The following TEX14 variants were observed in gnomAD, a reference collection of about 807,000 sequenced individuals.
The protein encoded by TEX14 is inactive serine/threonine-protein kinase TEX14.
In TEX14, 168 loss-of-function variants were observed where a neutral mutation model predicts 178.6. The ratio of observed to expected loss-of-function variants is 0.94; its 90% CI spans 0.83 to 1.07. The LOEUF (loss-of-function observed/expected upper bound fraction) is 1.07, where lower values mean the gene tolerates loss of function less well. TEX14 is among the 50% of genes least tolerant of loss of function. The pLI is 0.00. For synonymous variants in TEX14, 626 were observed against 634.1 expected, an observed-to-expected ratio of 0.99 and a Z score of 0.19; for missense variants, 1,730 against 1,753.6, an observed-to-expected ratio of 0.99 and a Z score of 0.24.
At chr17:58,605,746 T>G (rs1295690534) in intron 10 of TEX14, among the ~76,000 whole-genome samples, 1 of 152,238 alleles carries the variant, frequency 6.6e-6, no homozygotes, top group African/African-American at 2.4e-5. Flanking sequence ...CTGAGATATT[T>G]GTCTGAAAGT....
chr17:58,587,860 C>T (rs1391300965), intron 16 of TEX14, 36 bp downstream of exon 16: 2 of 1,328,996 alleles, frequency 1.5e-6, no homozygotes, highest in Non-Finnish European at 1.1e-6. Context: ...CCCACCCCCG[C>T]TCCACCACCA....
chr17:58,605,763 C>T (rs758575639), intron 10 of TEX14, among the ~76,000 whole-genome samples: 26 of 152,196 alleles, frequency 1.7e-4, no homozygotes, highest in Admixed American at 5.2e-4. Flanking sequence ...AAGTCACTTC[C>T]TCAAGGAGGC....
Position 58,615,360 on chromosome 17 carries a change from A to T in TEX14, c.768-15T>A. ...TCCACACTAGGCTACAAGGACAGGA[A>T]AGAGTTTCAGCAGAAAGGAGTGAGC... On this transcript the variant is annotated splice_polypyrimidine_tract_variant and intron_variant, in intron 7 of 31. Transcript: ENST00000349033. The T allele has an allele frequency of 6.6e-7, 1 of 1,525,698 alleles. No homozygotes were observed. 94.5% of individuals were successfully genotyped at this position (1,525,698 alleles called of 1,614,324 possible).
At chr17:58,631,628 A>C (rs1375957819) in intron 2 of TEX14, 1 of 151,860 alleles carries the variant, frequency 6.6e-6, no homozygotes, top group East Asian at 1.9e-4. Context: ...TCTGAAAAAA[A>C]AAAAAACCCA....
intron 1 of TEX14, among the ~76,000 whole-genome samples, chr17:58,686,833 C>T (rs1208548922): frequency 6.7e-6 from 1 of 149,070 alleles, no homozygotes; most frequent in Non-Finnish European, 1.5e-5. Flanking sequence ...TCTCCTATTC[C>T]CAAACCCACT....
intron 1 of TEX14, among the ~76,000 whole-genome samples, chr17:58,655,834 T>C (rs1009964210): frequency 7.2e-5 from 11 of 152,098 alleles, no homozygotes; most frequent in Non-Finnish European, 1.5e-5. Context: ...AGCAGAGAAA[T>C]GGTTTCTGAT....
chr17:58,634,505 C>T (rs1227828834), intron 2 of TEX14, among the ~76,000 whole-genome samples: 1 of 152,154 alleles, frequency 6.6e-6, no homozygotes, highest in African/African-American at 2.4e-5. Flanking sequence ...TCAGGGCTTG[C>T]TGTGTTACAA....
intron 1 of TEX14, among the ~76,000 whole-genome samples, chr17:58,680,755 C>CA (rs1009789666): frequency 1.3e-5 from 2 of 151,690 alleles, no homozygotes; most frequent in South Asian, 4.2e-4. Flanking sequence ...CCACAAAAAC[C>CA]AAAAAAACAA....
At chr17:58,633,279 T>C (rs915394751) in intron 2 of TEX14, among the ~76,000 whole-genome samples, 1 of 152,166 alleles carries the variant, frequency 6.6e-6, no homozygotes, top group Non-Finnish European at 1.5e-5. Flanking sequence ...AAACACCTCT[T>C]CTATGTGATC....
At chr17:58,565,119 G>A (rs1229935707) in intron 27 of TEX14, 151 bp from the exon 28 acceptor site, 1 of 456,750 alleles carries the variant, frequency 2.2e-6, no homozygotes, top group African/African-American at 2.0e-5. Context: ...CAGGGGGCCA[G>A]GTGGCAGTCT....
intron 21 of TEX14, 80 bp from the exon 22 acceptor site, chr17:58,574,329 T>C: frequency 1.0e-5 from 11 of 1,088,060 alleles, no homozygotes; most frequent in East Asian, 2.4e-5. Flanking sequence ...AAGGAACCAG[T>C]TGATCAGCCC....
At chr17:58,691,615 C>T (rs966737254) in intron 1 of TEX14, among the ~76,000 whole-genome samples, 3 of 141,916 alleles carry the variant, frequency 2.1e-5, no homozygotes, top group African/African-American at 8.0e-5. Context: ...TGCAGTGAGC[C>T]GACATCGTGC....
chr17:58,682,665 T>C (rs1196121192), intron 1 of TEX14, among the ~76,000 whole-genome samples: 1 of 152,176 alleles, frequency 6.6e-6, no homozygotes, highest in Non-Finnish European at 1.5e-5. Context: ...TGAGCCACCA[T>C]GCCCGGCTGC....
At chr17:58,582,855 C>T (rs565593535) in intron 19 of TEX14, among the ~76,000 whole-genome samples, 3 of 152,056 alleles carry the variant, frequency 2.0e-5, no homozygotes, top group South Asian at 2.1e-4. Flanking sequence ...TGAGCCACCG[C>T]GACCGGCCTG....
rs576964290 is a variant in TEX14, at chr17:58,641,591, C to T, written c.136+10275G>A. Among the ~76,000 whole-genome samples the T allele has an allele frequency of 2.6e-5, 4 of 151,682 alleles. No individual in the cohort carries two copies. In the South Asian group the frequency reaches 8.3e-4, roughly 32 times the overall value. On this transcript the variant is annotated intron_variant, in intron 2 of 31. Coordinates refer to ENST00000349033, the MANE Select transcript of TEX14 (RefSeq NM_031272.5). ...TCTCTGCTTACTGCAACCTCCCACT[C>T]CCAGGTTCAGGTTCAAGTGATTCTC...
chr17:58,571,591 G>GA lies in TEX14; in HGVS notation c.3717+329dup, dbSNP rs912209127. Reference sequence around the variant, plus strand: ...CACATATGAGAAAGGGAGAGGAAAAGAAAAAAAAAGGAGGAAGAAGTAGAA... The same window carrying GA: ...CACATATGAGAAAGGGAGAGGAAAAGAAAAAAAAAAGGAGGAAGAAGTAGAA... On this transcript the variant is annotated intron_variant, in intron 24 of 31. Coordinates refer to ENST00000349033, the MANE Select transcript of TEX14 (RefSeq NM_031272.5). 6.7e-5 allele frequency among the ~76,000 whole-genome samples: 10 copies of GA among 148,986 alleles called. No individual in the cohort carries two copies. The East Asian group carries it at 9.8e-4, about 15-fold the overall frequency.
Position 58,623,322 on chromosome 17 carries a change from G to A in TEX14, c.252-310C>T, listed in dbSNP as rs564910957. On this transcript the variant is annotated intron_variant, in intron 3 of 31. Coordinates refer to ENST00000349033, the MANE Select transcript of TEX14 (RefSeq NM_031272.5). Reference sequence around the variant, plus strand: ...GAGGTTCATTCCCAGGCATAGATCTGGTTCCAAATCCAATTTTCTTTCCCC... The same window carrying A: ...GAGGTTCATTCCCAGGCATAGATCTAGTTCCAAATCCAATTTTCTTTCCCC... Among the ~76,000 whole-genome samples the A allele has an allele frequency of 1.5e-4, 23 of 152,192 alleles. No homozygotes were observed. In the South Asian group the frequency reaches 2.1e-3, roughly 14 times the overall value.
In TEX14 at chr17:58,660,553, C is replaced by CA. The variant is rs764801511; in HGVS notation, c.-1-8552dup. 39 of 775,232 alleles carry CA rather than the reference C, an allele frequency of 5.0e-5. No individual in the cohort carries two copies. The Admixed American group carries it at 6.8e-4, about 14-fold the overall frequency. 48.0% of individuals were successfully genotyped at this position (775,232 alleles called of 1,614,324 possible). On this transcript the variant is annotated intron_variant, in intron 1 of 31. Coordinates refer to ENST00000349033, the MANE Select transcript of TEX14 (RefSeq NM_031272.5). ...CTTGGCGGGGAAGGTGTGCACCCTG[C>CA]AGTCCTGCGGTGTTGTGGGAAGATT...
intron 10 of TEX14, among the ~76,000 whole-genome samples, chr17:58,609,057 T>C (rs2045683088): frequency 6.6e-6 from 1 of 152,242 alleles, no homozygotes; most frequent in Non-Finnish European, 1.5e-5. Flanking sequence ...TTATCTGGCC[T>C]CTGCCTGTTC....
Sources: allele counts gnomAD v4.1 joint callset (sites outside exome capture counted in the v4.1 genomes callset), GRCh38; gene constraint gnomAD v4.1.1; transcripts MANE v1.5; gene names NCBI Gene and HGNC (gene_info 2026-07-23, HGNC 2026-07-21).